Variants in GPC5 observed in about 807,000 individuals in gnomAD.
GPC5 encodes the protein glypican-5.
GPC5 carries 47 observed loss-of-function variants against 53.9 expected under a neutral mutation model. That is an observed-to-expected ratio of 0.87 (90% CI 0.69 to 1.11). The LOEUF is 1.11. Ranked by LOEUF, GPC5 falls within the 50% of genes most tolerant of loss-of-function variation. GPC5 has a pLI of 0.00. For synonymous variants in GPC5, 286 were observed against 263.3 expected (o/e 1.09, Z -0.84); for missense variants, 748 against 713.1 (o/e 1.05, Z -0.56).
At chr13:92,540,611 C>G (rs1297888063) in intron 7 of GPC5, among the ~76,000 whole-genome samples, 2 of 151,780 alleles carry the variant, frequency 1.3e-5, no homozygotes, top group Non-Finnish European at 2.9e-5. Context: ...AATGGCCAAC[C>G]AGTGGTCCAA....
intron 7 of GPC5, among the ~76,000 whole-genome samples, chr13:92,357,807 C>T (rs1445277893): frequency 6.6e-6 from 1 of 151,428 alleles, no homozygotes; most frequent in Non-Finnish European, 1.5e-5. Flanking sequence ...AAATGTGCCC[C>T]CATGACCCAA....
At chr13:92,588,917 C>T (rs959800725) in intron 7 of GPC5, among the ~76,000 whole-genome samples, 5 of 152,076 alleles carry the variant, frequency 3.3e-5, no homozygotes. Context: ...ATGTAGAAGT[C>T]TCATCCTAAC....
intron 7 of GPC5, among the ~76,000 whole-genome samples, chr13:92,203,930 G>T (rs1326168944): frequency 6.6e-6 from 1 of 151,776 alleles, no homozygotes. Flanking sequence ...TGAAAAAAAA[G>T]AAGCAGTAAT....
chr13:91,977,581 G>C (rs1484156088), intron 6 of GPC5, among the ~76,000 whole-genome samples: 2 of 152,070 alleles, frequency 1.3e-5, no homozygotes, highest in Non-Finnish European at 2.9e-5. Context: ...ATTATTTTGA[G>C]CTAAACACAT....
chr13:91,640,233 T>C (rs1231590752), intron 2 of GPC5, among the ~76,000 whole-genome samples: 1 of 150,702 alleles, frequency 6.6e-6, no homozygotes. Flanking sequence ...TTTTGCTCTC[T>C]ATCTATCTGA....
chr13:91,917,687 C>A (rs367860659), intron 6 of GPC5, among the ~76,000 whole-genome samples: 1 of 152,198 alleles, frequency 6.6e-6, no homozygotes. Context: ...ATCTCTAGGG[C>A]AGGGGCAAAA....
intron 7 of GPC5, among the ~76,000 whole-genome samples, chr13:92,267,624 A>G (rs2042811501): frequency 6.6e-6 from 1 of 152,090 alleles, no homozygotes; most frequent in Non-Finnish European, 1.5e-5. Context: ...GCTTTTTAAA[A>G]TTAAGTCATG....
rs180675310 is a variant in GPC5, at chr13:92,205,141, G to A, written c.1561+60152G>A. On this transcript the variant is annotated intron_variant, in intron 7 of 7. Transcript: ENST00000377067. ...GATCCGCCCACCTCGGCCTCCCAGA[G>A]TGCTGGGATTACAGGCCTGAGCCAC... Among the ~76,000 whole-genome samples, 361 of 152,134 alleles carry A rather than the reference G, an allele frequency of 2.4e-3. 3 individuals are homozygous for A. The highest frequency in any genetic ancestry group is 8.2e-3 in the African/African-American group (342 of 41,520).
intron 6 of GPC5, among the ~76,000 whole-genome samples, chr13:92,095,934 A>G (rs972551096): frequency 5.9e-5 from 9 of 152,336 alleles, no homozygotes; most frequent in African/African-American, 1.9e-4. Flanking sequence ...ACAAGTGTGG[A>G]TACATTATTG....
In GPC5 at chr13:92,630,827, T is replaced by C. The variant is rs1041059838; in HGVS notation, c.1562-235455T>C. On this transcript the variant is annotated intron_variant, in intron 7 of 7. Coordinates refer to ENST00000377067, the MANE Select transcript of GPC5 (RefSeq NM_004466.6). ...ATGCAGTATTATGTCAGTCCTTATATACTTATCCATCTCCAATCTGGAAAG... is the reference window on the plus strand; with the variant it reads ...ATGCAGTATTATGTCAGTCCTTATACACTTATCCATCTCCAATCTGGAAAG... 2.0e-5 allele frequency among the ~76,000 whole-genome samples: 3 copies of C among 152,166 alleles called. No individual in the cohort carries two copies. In the South Asian group the frequency reaches 6.2e-4, roughly 32 times the overall value.
chr13:92,526,118 T>C (rs984710271), intron 7 of GPC5, among the ~76,000 whole-genome samples: 1 of 152,158 alleles, frequency 6.6e-6, no homozygotes, highest in African/African-American at 2.4e-5. Flanking sequence ...CATCCATTTG[T>C]TCTTTTATTC....
chr13:92,507,594 A>G (rs1821803577), intron 7 of GPC5, among the ~76,000 whole-genome samples: 3 of 152,134 alleles, frequency 2.0e-5, no homozygotes, highest in African/African-American at 7.2e-5. Context: ...ACTCACACCC[A>G]CTCTACCTAT....
chr13:91,495,512 A>G (rs1278084936), intron 2 of GPC5, among the ~76,000 whole-genome samples: 2 of 152,148 alleles, frequency 1.3e-5, no homozygotes, highest in Middle Eastern at 3.4e-3. Flanking sequence ...TCACTTCCTC[A>G]CTCTGTCCCA....
intron 7 of GPC5, among the ~76,000 whole-genome samples, chr13:92,475,511 G>T (rs1418471120): frequency 6.7e-6 from 1 of 150,360 alleles, no homozygotes; most frequent in Non-Finnish European, 1.5e-5. Flanking sequence ...TTTGTCTGTT[G>T]TTGGTGTATA....
chr13:92,607,132 G>T (rs1287921327), intron 7 of GPC5, among the ~76,000 whole-genome samples: 1 of 152,090 alleles, frequency 6.6e-6, no homozygotes, highest in East Asian at 1.9e-4. Context: ...AATGTATCTG[G>T]ATAATAATAG....
At chr13:92,700,255 A>ATT (rs36058737) in intron 7 of GPC5, among the ~76,000 whole-genome samples, 16,931 of 103,426 alleles carry the variant, frequency 0.16, 1,758 homozygotes, top group East Asian at 0.29. Flanking sequence ...CAACCCCTGC[A>ATT]TTTTTTTTTT....
intron 7 of GPC5, among the ~76,000 whole-genome samples, chr13:92,282,718 G>A (rs990351699): frequency 3.3e-5 from 5 of 152,148 alleles, no homozygotes; most frequent in Admixed American, 3.3e-4. Flanking sequence ...CACCAGGCCT[G>A]CCCTACAAGA....
At chr13:91,896,850 C>G (rs1010634692) in intron 5 of GPC5, among the ~76,000 whole-genome samples, 1 of 152,188 alleles carries the variant, frequency 6.6e-6, no homozygotes, top group African/African-American at 2.4e-5. Flanking sequence ...TTTGCCAAGA[C>G]ATAGCTGGAG....
intron 2 of GPC5, among the ~76,000 whole-genome samples, chr13:91,600,942 A>G (rs2033161728): frequency 6.6e-6 from 1 of 152,312 alleles, no homozygotes; most frequent in African/African-American, 2.4e-5. Flanking sequence ...AATACATAAA[A>G]GAAGGGGTGA....
Sources: gnomAD v4.1 joint callset for allele counts (sites outside exome capture counted in the v4.1 genomes callset) on GRCh38, gnomAD v4.1.1 for gene constraint, MANE v1.5 for transcripts, NCBI Gene and HGNC (gene_info 2026-07-23, HGNC 2026-07-21) for gene names.